Variants in CELF1 observed in about 807,000 individuals in gnomAD.
CELF1 encodes the protein 50 kDa nuclear polyadenylated RNA-binding protein.
A neutral mutation model predicts 61.8 loss-of-function variants in CELF1; 10 were observed. The ratio of observed to expected loss-of-function variants is 0.16; its 90% CI spans 0.10 to 0.27. The LOEUF is 0.27. CELF1 is among the 10% of genes least tolerant of loss of function. The pLI, the probability that CELF1 is intolerant of heterozygous loss-of-function variation, is 1.00. For synonymous variants in CELF1, 236 were observed against 225.1 expected, an observed-to-expected ratio of 1.05 and a Z score of -0.43; for missense variants, 380 against 639.1, an observed-to-expected ratio of 0.59 and a Z score of 4.37.
chr11:47,493,909 G>T (rs916131251), intron 3 of CELF1, among the ~76,000 whole-genome samples: 1 of 152,102 alleles, frequency 6.6e-6, no homozygotes, highest in Non-Finnish European at 1.5e-5. Flanking sequence ...TTGTCATTAT[G>T]ATTAAAAGTA....
At chr11:47,549,046 T>A (rs1369176691) in intron 1 of CELF1, among the ~76,000 whole-genome samples, 2 of 151,546 alleles carry the variant, frequency 1.3e-5, no homozygotes, top group Admixed American at 1.3e-4. Flanking sequence ...AGCAGAGAAA[T>A]ACAAATCAAA....
At chr11:47,564,171 C>CAAAAAAAAAAAAAAA (rs779009192) in intron 2 of CELF1, among the ~76,000 whole-genome samples, 2 of 62,910 alleles carry the variant, frequency 3.2e-5, no homozygotes, top group African/African-American at 6.1e-5. Flanking sequence ...ACTAAAAATA[C>CAAAAAAAAAAAAAAA]AAAAAAAAAA....
chr11:47,541,274 C>T (rs2096766665), intron 1 of CELF1, among the ~76,000 whole-genome samples: 1 of 104,718 alleles, frequency 9.5e-6, no homozygotes, highest in African/African-American at 3.8e-5. Flanking sequence ...TACATATTCA[C>T]ACAGTCTGCA....
intron 2 of CELF1, among the ~76,000 whole-genome samples, chr11:47,558,679 AAT>A (rs1354621898): frequency 3.8e-5 from 4 of 105,094 alleles, no homozygotes; most frequent in African/African-American, 1.6e-4. Flanking sequence ...TATAATATGT[AAT>A]ATATTATATA....
intron 6 of CELF1, among the ~76,000 whole-genome samples, 179 bp from the exon 7 acceptor site, chr11:47,484,702 G>C (rs2085547154): frequency 6.6e-6 from 1 of 152,126 alleles, no homozygotes; most frequent in South Asian, 2.1e-4. Flanking sequence ...TTTTGAGATG[G>C]AGTTTCGCTC....
intron 1 of CELF1, among the ~76,000 whole-genome samples, chr11:47,521,584 G>GT (rs577442888): frequency 1.0e-3 from 154 of 152,342 alleles, no homozygotes; most frequent in African/African-American, 3.6e-3. Flanking sequence ...TACACAAACA[G>GT]TATCTACCTT....
chr11:47,475,268 G>T, intron 13 of CELF1, 68 bp downstream of exon 13: 1 of 1,492,476 alleles, frequency 6.7e-7, no homozygotes, highest in Non-Finnish European at 9.3e-7. Flanking sequence ...CCTTTGCTCT[G>T]CCTTTCCGTT....
Position 47,500,950 on chromosome 11 carries a change from G to A in CELF1, c.-153-18C>T, listed in dbSNP as rs1158259126. On this transcript the variant is annotated intron_variant, in intron 1 of 14. Coordinates refer to ENST00000687097, the MANE Select transcript of CELF1 (RefSeq NM_001376376.1). Reference sequence around the variant, plus strand: ...TGTTCAGCCTGCAAAGAAGTAAAACGAATGAACTACTAAACACACAGAGTT... The same window carrying A: ...TGTTCAGCCTGCAAAGAAGTAAAACAAATGAACTACTAAACACACAGAGTT... 5.0e-6 allele frequency: 2 copies of A among 397,850 alleles called. No individual in the cohort carries two copies. Among genetic ancestry groups the A allele is most frequent in the Non-Finnish European group, 8.9e-6 (2 of 225,928 alleles). The allele number at this position is 397,850 out of a possible 1,614,324, so 24.6% of individuals were successfully genotyped here. A position where few individuals can be genotyped will look rare whatever the true frequency, so the allele number is the denominator to read the frequency against.
chr11:47,545,777 C>T (rs968287711), intron 1 of CELF1, among the ~76,000 whole-genome samples: 13 of 151,872 alleles, frequency 8.6e-5, no homozygotes, highest in African/African-American at 1.2e-4. Context: ...GCAATCTGCC[C>T]GCCTCAGTCT....
intron 8 of CELF1, among the ~76,000 whole-genome samples, 187 bp downstream of exon 8, chr11:47,483,266 A>G (rs1042578284): frequency 3.9e-5 from 6 of 152,146 alleles, no homozygotes; most frequent in Non-Finnish European, 8.8e-5. Flanking sequence ...CCCCATCTCA[A>G]AAAAAGGGGT....
chr11:47,545,168 G>T (rs1351126593), intron 1 of CELF1, among the ~76,000 whole-genome samples: 1 of 151,974 alleles, frequency 6.6e-6, no homozygotes, highest in African/African-American at 2.4e-5. Context: ...AGTGGTTCAT[G>T]CCTGTAATCC....
At chr11:47,532,684 C>T (rs2096518699) in intron 1 of CELF1, among the ~76,000 whole-genome samples, 1 of 152,062 alleles carries the variant, frequency 6.6e-6, no homozygotes, top group South Asian at 2.1e-4. Context: ...ATTCCATGTC[C>T]CTCATTTTCA....
At position 47,484,331 on chromosome 11, in the gene CELF1, C is replaced by T. The variant is rs565062846; in HGVS notation, c.526+58G>A. The T allele has an allele frequency of 4.7e-6, 7 of 1,493,870 alleles. No individual in the cohort carries two copies. The East Asian group carries it at 1.4e-4, about 30-fold the overall frequency. 92.5% of individuals were successfully genotyped at this position (1,493,870 alleles called of 1,614,324 possible). On this transcript the variant is annotated intron_variant, in intron 7 of 14. Coordinates refer to ENST00000687097, the MANE Select transcript of CELF1 (RefSeq NM_001376376.1). ...GACCTTGTCTCCAAAAAAAAAAAAA[C>T]CCCAAACCAAACCAAAACAAAAAAC... is the stretch of plus-strand genomic sequence containing the variant.
chr11:47,479,747 A>T (rs1232272962), intron 9 of CELF1, among the ~76,000 whole-genome samples: 1 of 152,170 alleles, frequency 6.6e-6, no homozygotes, highest in Non-Finnish European at 1.5e-5. Context: ...AACTAAACCC[A>T]ATTAGTATTG....
chr11:47,493,546 A>C (rs1459685865), intron 3 of CELF1, among the ~76,000 whole-genome samples: 1 of 150,848 alleles, frequency 6.6e-6, no homozygotes, highest in African/African-American at 2.4e-5. Context: ...GGGCGTGCAC[A>C]CACACAAGGT....
chr11:47,543,063 T>C (rs1320655677), intron 1 of CELF1, among the ~76,000 whole-genome samples: 8 of 151,998 alleles, frequency 5.3e-5, no homozygotes, highest in Non-Finnish European at 1.5e-5. Flanking sequence ...CAGGCTATAA[T>C]TGCACCACTG....
intron 8 of CELF1, 120 bp from the exon 9 acceptor site, chr11:47,482,976 T>G: frequency 1.1e-6 from 1 of 886,762 alleles, no homozygotes; most frequent in Non-Finnish European, 1.7e-6. Flanking sequence ...ATGATTCTCC[T>G]CATGATAGAC....
At chr11:47,515,540 C>T (rs2095506294) in intron 1 of CELF1, among the ~76,000 whole-genome samples, 1 of 152,214 alleles carries the variant, frequency 6.6e-6, no homozygotes, top group South Asian at 2.1e-4. Context: ...ACTTGTGCAG[C>T]TCATCAGGGC....
intron 1 of CELF1, among the ~76,000 whole-genome samples, chr11:47,551,509 T>C (rs1004563830): frequency 6.6e-6 from 1 of 152,250 alleles, no homozygotes; most frequent in Non-Finnish European, 1.5e-5. Context: ...CATGCTATTG[T>C]AATTCCATGA....
Sources: allele counts gnomAD v4.1 joint callset (sites outside exome capture counted in the v4.1 genomes callset), GRCh38; gene constraint gnomAD v4.1.1; transcripts MANE v1.5; gene names NCBI Gene and HGNC (gene_info 2026-07-23, HGNC 2026-07-21).